Variants in SASH1 observed in about 807,000 individuals in gnomAD.
The protein encoded by SASH1 is SAM and SH3 domain containing 1, also known as SAM and SH3 domain-containing protein 1.
Under a neutral mutation model 125.2 loss-of-function variants are expected in SASH1, and 44 were observed. That is an observed-to-expected ratio of 0.35 (90% CI 0.28 to 0.45). The LOEUF is 0.45. Among genes scored for constraint, SASH1 ranks in the 20% least tolerant of loss-of-function variants. The pLI is 1.00. For missense variants in SASH1, 1,426 were observed against 1,614.5 expected (o/e 0.88, Z 2.00); for synonymous variants, 639 against 649.1 (o/e 0.98, Z 0.24).
At chr6:148,319,907 T>C (rs1174234871) in intron 1 of SASH1, among the ~76,000 whole-genome samples, 2 of 152,192 alleles carry the variant, frequency 1.3e-5, no homozygotes, top group Non-Finnish European at 2.9e-5. Context: ...GACTCCTCCC[T>C]CTGTCCATTG....
intron 1 of SASH1, among the ~76,000 whole-genome samples, chr6:148,290,879 A>G (rs1464653184): frequency 8.8e-6 from 1 of 113,678 alleles, no homozygotes. Flanking sequence ...AATACTAAAA[A>G]AAAGTTAAAA....
At chr6:148,464,846 G>A (rs1308700536) in intron 4 of SASH1, among the ~76,000 whole-genome samples, 1 of 151,952 alleles carries the variant, frequency 6.6e-6, no homozygotes, top group Non-Finnish European at 1.5e-5. Flanking sequence ...GTTATTCTTT[G>A]GCCAGCATCT....
At chr6:148,212,780 A>G in the SASH1 span, among the ~76,000 whole-genome samples, 6 of 152,178 alleles carry the variant, frequency 3.9e-5, no homozygotes, top group African/African-American at 1.4e-4. Context: ...CTTGAGAGGA[A>G]GGTTTGTTTC....
chr6:148,400,018 A>T (rs759707784), intron 2 of SASH1, among the ~76,000 whole-genome samples: 2 of 152,268 alleles, frequency 1.3e-5, no homozygotes, highest in African/African-American at 2.4e-5. Flanking sequence ...GAAGCTAATT[A>T]TAGGCTATTT....
At chr6:148,447,729 C>G (rs1776867436) in intron 4 of SASH1, among the ~76,000 whole-genome samples, 1 of 151,290 alleles carries the variant, frequency 6.6e-6, no homozygotes, top group South Asian at 2.1e-4. Flanking sequence ...CCTCATCCTC[C>G]TCCTCCTCTT....
chr6:148,384,490 G>A (rs563776374), intron 1 of SASH1, among the ~76,000 whole-genome samples: 3 of 152,278 alleles, frequency 2.0e-5, no homozygotes, highest in Non-Finnish European at 4.4e-5. Flanking sequence ...TGCAACATCA[G>A]TGCTTGACAT....
chr6:148,434,592 G>C (rs1471461932), intron 2 of SASH1, among the ~76,000 whole-genome samples: 9 of 152,070 alleles, frequency 5.9e-5, no homozygotes, highest in Admixed American at 5.9e-4. Context: ...GTTTCTTTAA[G>C]AGTTTGTAAT....
chr6:148,469,231 T>C (rs1327662516), intron 5 of SASH1: 3 of 152,340 alleles, frequency 2.0e-5, no homozygotes, highest in Middle Eastern at 3.4e-3. Context: ...GCAGCTCACT[T>C]GCACCAAGCC....
At chr6:148,525,216 G>A in intron 10 of SASH1, 75 bp from the exon 11 acceptor site, 5 of 984,528 alleles carry the variant, frequency 5.1e-6, no homozygotes, top group Non-Finnish European at 8.2e-6. Context: ...CTGCAAACGG[G>A]GACTGCTGGG....
Position 148,519,866 on chromosome 6 carries a change from G to C in SASH1, c.1182G>C (p.Lys394Asn). 6.3e-7 allele frequency: 1 copy of C among 1,591,112 alleles called. No homozygotes were observed. Among genetic ancestry groups the C allele is most frequent in the Non-Finnish European group, 8.5e-7 (1 of 1,170,136 alleles). The part of the protein sequence containing the change: ...VSRSLTEGEM[K>N]KGLGSLSHGR... The stretch of plus-strand genomic sequence containing the variant: ...GCTCCCTCACCGAGGGGGAGATGAA[G>C]AAGGGTCTCGGGTCCCTAAGCCACG... The change falls in exon 10 of 20, where the codon AAG becomes AAC. Residue 394 changes from lysine (K) to asparagine (N), a missense_variant. Physicochemically the swap from Lys to Asn is moderately conservative, Grantham distance 94. Transcript: ENST00000367467. The surrounding 1 kb of genome is among the most constrained non-coding windows in gnomAD (Gnocchi z 4.8).
chr6:148,428,533 G>A (rs1775920517), intron 2 of SASH1, among the ~76,000 whole-genome samples: 1 of 145,594 alleles, frequency 6.9e-6, no homozygotes, highest in Admixed American at 7.2e-5. Context: ...GGAGGCTGAG[G>A]GAGGAGAATT....
chr6:148,306,169 G>A (rs574044598), intron 1 of SASH1, among the ~76,000 whole-genome samples: 1 of 152,180 alleles, frequency 6.6e-6, no homozygotes, highest in Non-Finnish European at 1.5e-5. Context: ...TTTGGCAGGT[G>A]GGGGGCACAG....
intron 2 of SASH1, among the ~76,000 whole-genome samples, chr6:148,410,047 G>T: frequency 6.6e-6 from 1 of 150,490 alleles, no homozygotes. Flanking sequence ...AGGTGTGAGG[G>T]TACCTGTGCA....
chr6:148,507,164 T>G (rs56328934), intron 8 of SASH1, among the ~76,000 whole-genome samples: 40,186 of 151,952 alleles, frequency 0.26, 5,698 homozygotes, highest in Middle Eastern at 0.38. Context: ...GAGATACTTC[T>G]GAGCAGAAGA....
chr6:148,381,837 G>A (rs1342233602), intron 1 of SASH1, among the ~76,000 whole-genome samples: 1 of 151,458 alleles, frequency 6.6e-6, no homozygotes, highest in East Asian at 1.9e-4. Context: ...TCACCATTTT[G>A]GTTGGCCAGG....
chr6:148,398,648 T>A (rs918088123), intron 2 of SASH1, among the ~76,000 whole-genome samples: 1 of 152,214 alleles, frequency 6.6e-6, no homozygotes, highest in Non-Finnish European at 1.5e-5. Flanking sequence ...GTTATCCTGC[T>A]GAAGCCCCGT....
the SASH1 span, among the ~76,000 whole-genome samples, chr6:148,248,982 G>A: frequency 6.6e-6 from 1 of 152,152 alleles, no homozygotes; most frequent in African/African-American, 2.4e-5. Context: ...TTTACATACT[G>A]AGAAAACATA....
At chr6:148,547,416 ATTGT>A (rs1317171211) in intron 19 of SASH1, among the ~76,000 whole-genome samples, 3 of 152,268 alleles carry the variant, frequency 2.0e-5, no homozygotes, top group African/African-American at 4.8e-5. Context: ...AGACTTATGA[ATTGT>A]TTATTTCTGG....
intron 1 of SASH1, among the ~76,000 whole-genome samples, chr6:148,389,491 A>G (rs2114823584): frequency 6.6e-6 from 1 of 152,388 alleles, no homozygotes; most frequent in African/African-American, 2.4e-5. Context: ...TAATATGAAT[A>G]TTAATGACCA....
Sources: allele counts gnomAD v4.1 joint callset (sites outside exome capture counted in the v4.1 genomes callset), GRCh38; gene constraint gnomAD v4.1.1; non-coding constraint Gnocchi (gnomAD v3.1); transcripts MANE v1.5; gene names NCBI Gene and HGNC (gene_info 2026-07-23, HGNC 2026-07-21).